AFF3: variants seen among roughly 807,000 people sequenced by gnomAD.
AFF3 encodes the protein AF4/FMR2 family member 3.
In AFF3, 32 loss-of-function variants were observed where a neutral mutation model predicts 129.7. The observed-to-expected ratio is 0.25, with a 90% confidence interval of 0.19 to 0.33. The LOEUF is 0.33. Ranked by LOEUF, AFF3 falls within the 10% of genes least tolerant of loss-of-function variation. The pLI is 1.00. For synonymous variants in AFF3, 644 were observed against 635.4 expected (o/e 1.01, Z -0.20); for missense variants, 1,373 against 1,592.0 (o/e 0.86, Z 2.34).
chr2:99,650,584 A>T (rs1164891646), intron 12 of AFF3, among the ~76,000 whole-genome samples: 1 of 151,962 alleles, frequency 6.6e-6, no homozygotes, highest in Non-Finnish European at 1.5e-5. Context: ...AAAATAAAAA[A>T]ATTTAAAAAA....
At chr2:99,687,107 T>C (rs1161694075) in intron 11 of AFF3, among the ~76,000 whole-genome samples, 1 of 152,160 alleles carries the variant, frequency 6.6e-6, no homozygotes, top group Non-Finnish European at 1.5e-5. Flanking sequence ...TTTAAACAGT[T>C]TCCTGAGTGC....
At chr2:99,565,764 A>G (rs1675901190) in intron 19 of AFF3, 141 bp from the exon 20 acceptor site, 1 of 953,074 alleles carries the variant, frequency 1.0e-6, no homozygotes, top group East Asian at 2.6e-5. Flanking sequence ...AAGAAATAGA[A>G]TACTTCTTTT....
intron 3 of AFF3, chr2:100,105,125 C>T (rs1691179466): frequency 1.1e-5 from 2 of 175,980 alleles, no homozygotes; most frequent in Admixed American, 6.6e-5. Context: ...GAGCCGTGCC[C>T]GGCCCTGTCG....
intron 19 of AFF3, among the ~76,000 whole-genome samples, chr2:99,567,992 G>A (rs953590603): frequency 5.9e-5 from 9 of 152,276 alleles, no homozygotes; most frequent in Admixed American, 2.0e-4. Context: ...TTTCTGATAC[G>A]TAGGGGTTAT....
At chr2:100,027,817 T>C (rs1684167181) in intron 4 of AFF3, among the ~76,000 whole-genome samples, 1 of 152,220 alleles carries the variant, frequency 6.6e-6, no homozygotes, top group African/African-American at 2.4e-5. Flanking sequence ...CAGTCTTACA[T>C]AGCAAGGAAA....
chr2:100,125,449 C>G (rs1692145978), intron 2 of AFF3, among the ~76,000 whole-genome samples: 2 of 152,042 alleles, frequency 1.3e-5, no homozygotes, highest in African/African-American at 4.8e-5. Flanking sequence ...GGGGCCCATG[C>G]CTGTCTCATT....
chr2:99,736,443 G>C (rs181416814), intron 10 of AFF3, among the ~76,000 whole-genome samples: 158 of 151,992 alleles, frequency 1.0e-3, no homozygotes, highest in Admixed American at 2.8e-3. Context: ...ACCAGTATTT[G>C]GCTGGCATAT....
At chr2:100,116,298 TGACA>T (rs1281943464) in intron 2 of AFF3, among the ~76,000 whole-genome samples, 1 of 152,102 alleles carries the variant, frequency 6.6e-6, no homozygotes, top group Admixed American at 6.5e-5. Context: ...TAACTCAGCC[TGACA>T]AACTTTGCCT....
At position 99,837,482 on chromosome 2, in the gene AFF3, T is replaced by A. The variant is rs181598864; in HGVS notation, c.916A>T (p.Ile306Phe). The A allele has an allele frequency of 1.9e-5, 31 of 1,613,696 alleles. No homozygotes were observed. In the East Asian group the frequency reaches 6.9e-4, roughly 36 times the overall value. Residue 306 changes from isoleucine (I) to phenylalanine (F), a missense_variant, in exon 8 of 25, where the codon ATC becomes TTC. Physicochemically the swap from Ile to Phe is conservative, Grantham distance 21. Around this residue, in one of 9 missense-constraint regions of AFF3, gnomAD observed 413 missense variants for 424.4 expected, o/e 0.97. Coordinates refer to ENST00000672756, the MANE Select transcript of AFF3 (RefSeq NM_001386135.1). ...GETNSCVEEI[I>F]REMTWLPPLS... The stretch of plus-strand genomic sequence containing the variant: ...TGTTTAAAGAATAATCTTACCCGGA[T>A]TATTTCTTCAACACAGCTGTTGGTT...
intron 4 of AFF3, among the ~76,000 whole-genome samples, chr2:100,068,144 A>G (rs1222473107): frequency 1.3e-5 from 2 of 152,334 alleles, no homozygotes; most frequent in African/African-American, 4.8e-5. Context: ...TCGCTTCGGC[A>G]CAACCAACTT....
rs577333361 is a variant in AFF3, at chr2:100,056,253, C to T, written c.54-47321G>A. ...TCCGGCATTCCCTTCATGTATCAGA[C>T]GAATGATCCCATCTAAACAAGAAAA... On this transcript the variant is annotated intron_variant, in intron 4 of 24. Coordinates refer to ENST00000672756, the MANE Select transcript of AFF3 (RefSeq NM_001386135.1). 2.2e-4 allele frequency among the ~76,000 whole-genome samples: 34 copies of T among 152,232 alleles called. No individual in the cohort carries two copies. In the South Asian group the frequency reaches 2.7e-3, roughly 12 times the overall value.
Position 99,718,912 on chromosome 2 carries a change from G to A in AFF3, c.1091+8165C>T, listed in dbSNP as rs186327813. Among the ~76,000 whole-genome samples, 969 of 151,872 alleles carry A rather than the reference G, an allele frequency of 6.4e-3. 8 individuals carry two copies. The highest frequency in any genetic ancestry group is 0.01 in the Non-Finnish European group (701 of 67,914). Reference sequence around the variant, plus strand: ...ACTACAGGTGCCCGCCACCATGCCCGGCTAATTTTTTGTATTTTTAGTAGA... The same window carrying A: ...ACTACAGGTGCCCGCCACCATGCCCAGCTAATTTTTTGTATTTTTAGTAGA... On this transcript the variant is annotated intron_variant, in intron 11 of 24. Transcript: ENST00000672756.
intron 4 of AFF3, among the ~76,000 whole-genome samples, chr2:100,039,385 C>G (rs995778880): frequency 1.1e-4 from 17 of 152,064 alleles, no homozygotes; most frequent in African/African-American, 4.1e-4. Flanking sequence ...ACAGTGAGAC[C>G]CCATCTTTAC....
chr2:100,093,791 G>A (rs761189192), intron 4 of AFF3, among the ~76,000 whole-genome samples: 19 of 152,222 alleles, frequency 1.2e-4, no homozygotes, highest in African/African-American at 4.1e-4. Flanking sequence ...ATATGCCGCC[G>A]CACGTGATGA....
chr2:99,583,100 G>T, intron 16 of AFF3, 101 bp from the exon 17 acceptor site: 1 of 1,008,522 alleles, frequency 9.9e-7, no homozygotes. Flanking sequence ...CCTGTTGGTA[G>T]GAGAAGCTTA....
intron 12 of AFF3, among the ~76,000 whole-genome samples, chr2:99,650,333 T>G (rs1459320981): frequency 6.6e-6 from 1 of 151,942 alleles, no homozygotes; most frequent in Non-Finnish European, 1.5e-5. Context: ...CTGAGGCAGG[T>G]GGATCACCTG....
intron 7 of AFF3, among the ~76,000 whole-genome samples, chr2:99,849,737 A>T (rs977884026): frequency 6.6e-6 from 1 of 152,232 alleles, no homozygotes; most frequent in Admixed American, 6.5e-5. Context: ...GAACCAGATG[A>T]TGTTATCTCT....
At chr2:99,787,654 T>C (rs1558850742) in intron 8 of AFF3, among the ~76,000 whole-genome samples, 2 of 152,186 alleles carry the variant, frequency 1.3e-5, no homozygotes, top group African/African-American at 4.8e-5. Flanking sequence ...GTCTACGTAC[T>C]TCTGACTGGA....
chr2:100,142,245 C>G (rs1490135517), intron 1 of AFF3, among the ~76,000 whole-genome samples: 1 of 152,172 alleles, frequency 6.6e-6, no homozygotes, highest in Admixed American at 6.5e-5. Context: ...CGCACACACA[C>G]TGACGGCTTC....
Sources: gnomAD v4.1 joint callset for allele counts (sites outside exome capture counted in the v4.1 genomes callset) on GRCh38, gnomAD v4.1.1 for gene constraint, gnomAD v4.1.1 regional missense constraint, MANE v1.5 for transcripts, NCBI Gene and HGNC (gene_info 2026-07-23, HGNC 2026-07-21) for gene names.